The following CLHC1 variants were observed in gnomAD, a reference collection of about 807,000 sequenced individuals.
CLHC1 encodes the protein clathrin heavy chain linker domain containing 1.
A neutral mutation model predicts 69.5 loss-of-function variants in CLHC1; 72 were observed. The observed-to-expected ratio is 1.04, with a 90% CI of 0.86 to 1.26. The LOEUF (loss-of-function observed/expected upper bound fraction) is 1.26, where lower values mean the gene tolerates loss of function less well. Among genes scored for constraint, CLHC1 ranks in the 50% most tolerant of loss-of-function variants. The pLI is 0.00. For missense variants in CLHC1, 790 were observed against 679.3 expected, an observed-to-expected ratio of 1.16 and a Z score of -1.81; for synonymous variants, 223 against 224.3, an observed-to-expected ratio of 0.99 and a Z score of 0.05.
chr2:55,186,034 C>A (rs944368210), intron 9 of CLHC1, among the ~76,000 whole-genome samples: 1 of 152,144 alleles, frequency 6.6e-6, no homozygotes, highest in Non-Finnish European at 1.5e-5. Context: ...CTTTAAAGAT[C>A]TAAGACTCTG....
rs552105088 is a variant in CLHC1 at position 55,217,224 on chromosome 2, C to G, written c.365+587G>C. On this transcript the variant is annotated intron_variant, in intron 4 of 12. Coordinates refer to ENST00000401408, the MANE Select transcript of CLHC1 (RefSeq NM_152385.4). Reference sequence around the variant, plus strand: ...AACAAAAAGACTATAACTGCCCACTCTTGCCTTTTTGGCCAGCACAGTGGT... The same window carrying G: ...AACAAAAAGACTATAACTGCCCACTGTTGCCTTTTTGGCCAGCACAGTGGT... 4.6e-5 allele frequency among the ~76,000 whole-genome samples: 7 copies of G among 150,760 alleles called. No homozygotes were observed. In the South Asian group the frequency reaches 1.3e-3, roughly 27 times the overall value.
intron 9 of CLHC1, among the ~76,000 whole-genome samples, chr2:55,197,910 A>G (rs1671574560): frequency 6.6e-6 from 1 of 152,200 alleles, no homozygotes; most frequent in African/African-American, 2.4e-5. Flanking sequence ...TCAGGCAGAG[A>G]ATTCAAAATA....
intron 2 of CLHC1, chr2:55,223,854 G>C (rs1674421710): frequency 1.3e-5 from 2 of 152,024 alleles, no homozygotes; most frequent in African/African-American, 4.8e-5. Context: ...GGAGTGCAGC[G>C]GCGAGATCTC....
chr2:55,209,786 T>C lies in CLHC1; in HGVS notation c.545A>G (p.Tyr182Cys). ...ATATTTATCTTCAAGATGTTTCATGTATTTAGTGAGAGCATCTAGATTCAT... is the reference window on the plus strand; with the variant it reads ...ATATTTATCTTCAAGATGTTTCATGCATTTAGTGAGAGCATCTAGATTCAT... ...ESMNLDALTK[Y>C]MKHLEDKYAE... Residue 182 changes from tyrosine to cysteine, a missense_variant, in exon 6 of 13, where the codon TAC becomes TGC. Tyr to Cys is a radical substitution (Grantham distance 194, BLOSUM62 -2). Transcript: ENST00000401408. 6.2e-7 allele frequency: 1 copy of C among 1,611,646 alleles called. No homozygotes were observed. The highest frequency in any genetic ancestry group is 8.5e-7 in the Non-Finnish European group (1 of 1,178,414).
At chr2:55,196,251 C>T (rs902666938) in intron 9 of CLHC1, among the ~76,000 whole-genome samples, 2 of 152,152 alleles carry the variant, frequency 1.3e-5, no homozygotes, top group African/African-American at 2.4e-5. Context: ...ACTTGAAAGG[C>T]GGTCTGCACC....
At chr2:55,208,987 C>T (rs1273172513) in intron 7 of CLHC1, among the ~76,000 whole-genome samples, 7 of 151,396 alleles carry the variant, frequency 4.6e-5, no homozygotes, top group Non-Finnish European at 1.5e-5. Flanking sequence ...TCTCCTGCCT[C>T]AGCCTCCCGA....
At chr2:55,194,390 A>G (rs1210215497) in intron 9 of CLHC1, among the ~76,000 whole-genome samples, 1 of 152,198 alleles carries the variant, frequency 6.6e-6, no homozygotes, top group African/African-American at 2.4e-5. Flanking sequence ...CATGAATACA[A>G]GAGAATTTCT....
At position 55,175,426 on chromosome 2, in the gene CLHC1, T is replaced by G. The variant is rs941660522; in HGVS notation, c.*364A>C. 1 of 175,440 alleles carries G rather than the reference T, an allele frequency of 5.7e-6. No individual in the cohort carries two copies. Among genetic ancestry groups the G allele is most frequent in the East Asian group, 1.5e-4 (1 of 6,894 alleles). 10.9% of individuals were successfully genotyped at this position (175,440 alleles called of 1,614,324 possible). ...TAGCATTTCATGTTTGGGAAGACAG[T>G]CTAACACACAGGATACTACCCACAC... is the stretch of plus-strand genomic sequence containing the variant. On this transcript the variant is annotated 3_prime_UTR_variant, in exon 13 of 13. Coordinates refer to ENST00000401408, the MANE Select transcript of CLHC1 (RefSeq NM_152385.4).
chr2:55,184,266 C>T (rs951338072), intron 9 of CLHC1, among the ~76,000 whole-genome samples: 4 of 151,866 alleles, frequency 2.6e-5, no homozygotes, highest in Non-Finnish European at 4.4e-5. Context: ...CCACCACGGC[C>T]GGCTAATTTT....
In CLHC1 at chr2:55,172,754, G is replaced by C. The variant is rs1468271678; in HGVS notation, c.*3036C>G. 6.7e-6 allele frequency among the ~76,000 whole-genome samples: 1 copy of C among 149,236 alleles called. No homozygotes were observed. Among genetic ancestry groups the C allele is most frequent in the Non-Finnish European group, 1.5e-5 (1 of 67,628 alleles). ...GATTTTTGACTTAACATATGCTTTA[G>C]CAATCCAACAGAATTCCAGGCACCT... On this transcript the variant is annotated 3_prime_UTR_variant, in exon 13 of 13. Coordinates refer to ENST00000401408, the MANE Select transcript of CLHC1 (RefSeq NM_152385.4).
intron 9 of CLHC1, among the ~76,000 whole-genome samples, chr2:55,197,646 G>A (rs1039765039): frequency 1.3e-5 from 2 of 152,176 alleles, no homozygotes; most frequent in African/African-American, 4.8e-5. Flanking sequence ...TACCTCTAAT[G>A]CAGATATGGT....
At chr2:55,221,193 C>A (rs185978821) in intron 3 of CLHC1, among the ~76,000 whole-genome samples, 30 of 152,164 alleles carry the variant, frequency 2.0e-4, no homozygotes, top group African/African-American at 5.3e-4. Context: ...TTTACTGAAG[C>A]CTTAAGGTAA....
At chr2:55,201,413 C>G (rs935940685) in intron 9 of CLHC1, among the ~76,000 whole-genome samples, 2 of 151,972 alleles carry the variant, frequency 1.3e-5, no homozygotes, top group African/African-American at 4.8e-5. Flanking sequence ...AACTGGAAAA[C>G]CTAGAAGAAA....
In CLHC1 at chr2:55,175,617, T is replaced by C. The variant is rs1302181427; in HGVS notation, c.*173A>G. On this transcript the variant is annotated 3_prime_UTR_variant, in exon 13 of 13. Transcript: ENST00000401408. ...TGACCATATGGGGAAAAGGAAGCAA[T>C]AGTATAAATATTTCAAAGACAAATC... is the stretch of plus-strand genomic sequence containing the variant. 1.3e-5 allele frequency: 7 copies of C among 542,848 alleles called. No homozygotes were observed. The East Asian group carries it at 2.0e-4, about 15-fold the overall frequency. 33.6% of individuals were successfully genotyped at this position (542,848 alleles called of 1,614,324 possible).
chr2:55,228,632 G>A (rs1251611781), intron 1 of CLHC1, among the ~76,000 whole-genome samples: 1 of 152,164 alleles, frequency 6.6e-6, no homozygotes, highest in South Asian at 2.1e-4. Context: ...GGCCAGAGGG[G>A]CATCTCATCA....
intron 8 of CLHC1, among the ~76,000 whole-genome samples, chr2:55,207,494 T>C (rs1402798763): frequency 2.6e-5 from 4 of 152,158 alleles, no homozygotes; most frequent in African/African-American, 7.2e-5. Context: ...AACATGAGCT[T>C]TTGTGCTCTG....
intron 5 of CLHC1, among the ~76,000 whole-genome samples, chr2:55,210,306 C>T (rs953219461): frequency 3.3e-5 from 5 of 152,080 alleles, no homozygotes; most frequent in Non-Finnish European, 7.4e-5. Context: ...AAGCAATTCT[C>T]CTGCCTCAAC....
intron 5 of CLHC1, among the ~76,000 whole-genome samples, chr2:55,211,578 T>C (rs1188197848): frequency 6.6e-6 from 1 of 152,014 alleles, no homozygotes; most frequent in Non-Finnish European, 1.5e-5. Flanking sequence ...TCAACCTCAT[T>C]TGAAATCCTT....
chr2:55,212,844 A>C lies in CLHC1; in HGVS notation c.366-38T>G, dbSNP rs776383399. ...AAGGCTTTCTTATGTCTTTCAACTA[A>C]CTTAATTCTTGAACCACAAAACCTA... is the stretch of plus-strand genomic sequence containing the variant. On this transcript the variant is annotated intron_variant, in intron 4 of 12. Coordinates refer to ENST00000401408, the MANE Select transcript of CLHC1 (RefSeq NM_152385.4). 11 of 1,491,214 alleles carry C rather than the reference A, an allele frequency of 7.4e-6. No individual in the cohort carries two copies. The South Asian group carries it at 8.0e-5, about 11-fold the overall frequency. 92.4% of individuals were successfully genotyped at this position (1,491,214 alleles called of 1,614,324 possible).
Sources: allele counts gnomAD v4.1 joint callset (sites outside exome capture counted in the v4.1 genomes callset), GRCh38; gene constraint gnomAD v4.1.1; transcripts MANE v1.5; gene names NCBI Gene and HGNC (gene_info 2026-07-23, HGNC 2026-07-21).